Variants in MYO16 observed in about 807,000 individuals in gnomAD.
The protein encoded by MYO16 is myosin XVI.
MYO16 carries 94 observed loss-of-function variants against 205.3 expected under a neutral mutation model. The observed-to-expected ratio is 0.46, with a 90% CI of 0.39 to 0.54. The LOEUF (loss-of-function observed/expected upper bound fraction) is 0.54. Among genes scored for constraint, MYO16 ranks in the 20% least tolerant of loss-of-function variants. The pLI, the probability that MYO16 is intolerant of heterozygous loss-of-function variation, is 0.00. For synonymous variants in MYO16, 988 were observed against 954.0 expected (o/e 1.04, Z -0.66); for missense variants, 2,315 against 2,387.5 (o/e 0.97, Z 0.63).
chr13:108,736,249 GT>G (rs1371280570), intron 4 of MYO16, among the ~76,000 whole-genome samples: 1 of 152,136 alleles, frequency 6.6e-6, no homozygotes, highest in Non-Finnish European at 1.5e-5. Flanking sequence ...TACTGCCTAG[GT>G]TTTCTTCTAG....
Position 109,125,906 on chromosome 13 carries a change from G to T in MYO16, c.3782+548G>T, listed in dbSNP as rs778437453. On this transcript the variant is annotated intron_variant, in intron 30 of 34. Transcript: ENST00000457511. This position sits in a 1 kb window ranked among gnomAD's most constrained non-coding sequence, Gnocchi z 4.0. ...GCTTTGTATTTAAAAGTTCACTTTA[G>T]AGGCTTAGCTTAAAACAGAAATGTG... is the stretch of plus-strand genomic sequence containing the variant. 2.6e-5 allele frequency among the ~76,000 whole-genome samples: 4 copies of T among 152,186 alleles called. No homozygotes were observed. Among genetic ancestry groups the T allele is most frequent in the Admixed American group, 6.5e-5 (1 of 15,280 alleles).
At chr13:108,869,760 A>AAAAAAAAAAAG (rs71204889) in intron 12 of MYO16, among the ~76,000 whole-genome samples, 1 of 141,074 alleles carries the variant, frequency 7.1e-6, no homozygotes, top group Non-Finnish European at 1.5e-5. Context: ...AAAAAAAAAA[A>AAAAAAAAAAAG]GAAACCACAC....
At chr13:108,615,729 C>T (rs75664284) in intron 1 of MYO16, among the ~76,000 whole-genome samples, 7,918 of 152,166 alleles carry the variant, frequency 0.052, 309 homozygotes, top group Admixed American at 0.11. Context: ...CTCATTTGTA[C>T]GAAATGTCCA....
intron 22 of MYO16, among the ~76,000 whole-genome samples, chr13:109,009,964 C>T (rs1436273033): frequency 6.6e-6 from 1 of 152,188 alleles, no homozygotes; most frequent in African/African-American, 2.4e-5. Flanking sequence ...CGGGACGCCT[C>T]AGGCATCTAG....
chr13:109,135,203 G>T (rs1876717175), intron 31 of MYO16, among the ~76,000 whole-genome samples: 1 of 152,216 alleles, frequency 6.6e-6, no homozygotes, highest in African/African-American at 2.4e-5. Context: ...ACAGGAGGGA[G>T]ATCAGGCGAC....
intron 1 of MYO16, among the ~76,000 whole-genome samples, chr13:108,640,140 C>G (rs1401067929): frequency 6.6e-6 from 1 of 152,168 alleles, no homozygotes; most frequent in East Asian, 1.9e-4. Flanking sequence ...GACAAGGAAA[C>G]AGATGGCTCA....
intron 27 of MYO16, among the ~76,000 whole-genome samples, chr13:109,076,160 G>A (rs1423622311): frequency 6.6e-6 from 1 of 152,022 alleles, no homozygotes; most frequent in Non-Finnish European, 1.5e-5. Flanking sequence ...TCTTGGTAGA[G>A]TTGTATTATG....
In MYO16 at chr13:108,897,173, A is replaced by T. The variant is rs1455594343; in HGVS notation, c.1660-843A>T. Reference sequence around the variant, plus strand: ...TGTGGCTGATGCAGAAACCGCATGGAACATAACTATCATGCAAGAGATACC... The same window carrying T: ...TGTGGCTGATGCAGAAACCGCATGGTACATAACTATCATGCAAGAGATACC... On this transcript the variant is annotated intron_variant, in intron 14 of 34. Transcript: ENST00000457511. 3.3e-5 allele frequency among the ~76,000 whole-genome samples: 5 copies of T among 152,134 alleles called. No homozygotes were observed. In the South Asian group the frequency reaches 1.0e-3, roughly 32 times the overall value.
the MYO16 span, among the ~76,000 whole-genome samples, chr13:108,539,343 A>G: frequency 6.6e-6 from 1 of 152,044 alleles, no homozygotes; most frequent in Non-Finnish European, 1.5e-5. Flanking sequence ...CCCACATTTC[A>G]CTGGTATTGG....
At chr13:109,003,722 C>T (rs1045195230) in intron 21 of MYO16, among the ~76,000 whole-genome samples, 5 of 151,992 alleles carry the variant, frequency 3.3e-5, no homozygotes, top group Admixed American at 2.0e-4. Flanking sequence ...AATATTAGTA[C>T]GAAAAAAACA....
intron 27 of MYO16, among the ~76,000 whole-genome samples, chr13:109,085,757 G>A (rs1440651885): frequency 6.6e-6 from 1 of 152,156 alleles, no homozygotes; most frequent in African/African-American, 2.4e-5. Context: ...ACAGACCAGG[G>A]TCTATAAGGG....
At chr13:108,645,450 A>T (rs1880710231) in intron 1 of MYO16, among the ~76,000 whole-genome samples, 1 of 152,152 alleles carries the variant, frequency 6.6e-6, no homozygotes, top group Non-Finnish European at 1.5e-5. Flanking sequence ...AGCTTTAAAA[A>T]GGCTCTCAAT....
At chr13:108,609,727 G>T (rs1467524893) in intron 1 of MYO16, among the ~76,000 whole-genome samples, 1 of 152,088 alleles carries the variant, frequency 6.6e-6, no homozygotes, top group Non-Finnish European at 1.5e-5. Flanking sequence ...TTATTTATCT[G>T]AACTGAATCC....
chr13:108,785,737 G>C lies in MYO16; in HGVS notation c.610G>C (p.Glu204Gln). 1 of 1,590,682 alleles carries C rather than the reference G, an allele frequency of 6.3e-7. No homozygotes were observed. The highest frequency in any genetic ancestry group is 8.6e-7 in the Non-Finnish European group (1 of 1,165,410). The change falls in exon 5 of 35, where the codon GAA becomes CAA. Residue 204 changes from glutamate (E) to glutamine (Q), a missense_variant. Physicochemically the swap from Glu to Gln is conservative, Grantham distance 29. Coordinates refer to ENST00000457511, the MANE Select transcript of MYO16 (RefSeq NM_001198950.3). ...SSSILLTYLD[E>Q]NGVDLTSLRQ... is the part of the protein sequence containing the mutation. The stretch of plus-strand genomic sequence containing the variant: ...CTCTATCCTGTTGACCTATCTGGAT[G>C]AAAATGGTAGGCAAAAACTTTTAAA...
intron 9 of MYO16, among the ~76,000 whole-genome samples, chr13:108,837,495 G>A (rs774317249): frequency 5.9e-5 from 9 of 152,140 alleles, no homozygotes; most frequent in Non-Finnish European, 1.3e-4. Flanking sequence ...TTGAGATGCA[G>A]GTGAAAAGTT....
intron 6 of MYO16, among the ~76,000 whole-genome samples, chr13:108,798,698 T>TA (rs555736861): frequency 0.058 from 6,794 of 117,980 alleles, 339 homozygotes; most frequent in East Asian, 0.24. Flanking sequence ...ATTTTTTTTT[T>TA]TTTTTTTTTT....
chr13:108,863,989 C>A (rs1352885928), intron 11 of MYO16, among the ~76,000 whole-genome samples: 1 of 152,122 alleles, frequency 6.6e-6, no homozygotes, highest in Non-Finnish European at 1.5e-5. Flanking sequence ...CCATCTTCAT[C>A]TGTTTTTACA....
chr13:108,872,665 T>A (rs1201792854), intron 12 of MYO16, among the ~76,000 whole-genome samples: 2 of 151,334 alleles, frequency 1.3e-5, no homozygotes, highest in African/African-American at 2.4e-5. Flanking sequence ...TATATATGAA[T>A]TAAGTATTTA....
rs559466490 is a variant in MYO16, at chr13:108,667,298, A to T, written c.292+1149A>T. On this transcript the variant is annotated intron_variant, in intron 2 of 34. Coordinates refer to ENST00000457511, the MANE Select transcript of MYO16 (RefSeq NM_001198950.3). Reference sequence around the variant, plus strand: ...ATGGGCTTTTTCTAGTTAAACTGTAATATTCTGAGAATTTCTGTTTTGTTT... The same window carrying T: ...ATGGGCTTTTTCTAGTTAAACTGTATTATTCTGAGAATTTCTGTTTTGTTT... 7.4e-5 allele frequency among the ~76,000 whole-genome samples: 11 copies of T among 149,288 alleles called. No individual in the cohort carries two copies. In the South Asian group the frequency reaches 2.1e-3, roughly 29 times the overall value.
Sources: allele counts gnomAD v4.1 joint callset (sites outside exome capture counted in the v4.1 genomes callset), GRCh38; gene constraint gnomAD v4.1.1; non-coding constraint Gnocchi (gnomAD v3.1); transcripts MANE v1.5; gene names NCBI Gene and HGNC (gene_info 2026-07-23, HGNC 2026-07-21).